The following IGF2R variants were observed in gnomAD, a reference collection of about 807,000 sequenced individuals.
The protein encoded by IGF2R is insulin like growth factor 2 receptor.
Under a neutral mutation model 270.6 loss-of-function variants are expected in IGF2R, and 91 were observed. The observed-to-expected ratio is 0.34, with a 90% confidence interval of 0.28 to 0.40. IGF2R has a LOEUF of 0.40. Ranked by LOEUF, IGF2R falls within the 10% of genes least tolerant of loss-of-function variation. The pLI is 1.00. For synonymous variants in IGF2R, 1,316 were observed against 1,258.9 expected (o/e 1.05, Z -0.96); for missense variants, 2,805 against 3,188.3 (o/e 0.88, Z 2.90).
In IGF2R at chr6:160,065,794, G is replaced by T. The variant is rs183096029; in HGVS notation, c.4115+893G>T. ...TAGAGATATGTGTATGTGTGTGTGT[G>T]TGTGTGTGTGTGTGTGTGTGTATAT... On this transcript the variant is annotated intron_variant, in intron 29 of 47. Coordinates refer to ENST00000356956, the MANE Select transcript of IGF2R (RefSeq NM_000876.4). Among the ~76,000 whole-genome samples the T allele has an allele frequency of 6.7e-3, 397 of 58,832 alleles. 1 individual carries two copies. Among genetic ancestry groups the T allele is most frequent in the African/African-American group, 0.027 (322 of 11,946 alleles). 38.6% of individuals were successfully genotyped at this position (58,832 alleles called of 152,430 possible).
chr6:160,083,021 C>T (rs1779019661), intron 39 of IGF2R, among the ~76,000 whole-genome samples: 2 of 152,174 alleles, frequency 1.3e-5, no homozygotes, highest in Non-Finnish European at 2.9e-5. Context: ...CAACAGTGGG[C>T]CCAGGGGACC....
intron 11 of IGF2R, 152 bp downstream of exon 11, chr6:160,040,876 G>T: frequency 1.3e-6 from 1 of 745,540 alleles, no homozygotes. Flanking sequence ...TGAATTATTA[G>T]AAGGAGCATT....
At chr6:160,054,938 ACGCTG>A (rs2115255888) in intron 19 of IGF2R, among the ~76,000 whole-genome samples, 1 of 152,166 alleles carries the variant, frequency 6.6e-6, no homozygotes, top group African/African-American at 2.4e-5. Context: ...GGCCCAGTGG[ACGCTG>A]CGTCACTCAC....
rs34351457 is a variant in IGF2R, at chr6:160,094,897, CAAAA to C, written c.6656-1526_6656-1523del. On this transcript the variant is annotated intron_variant, in intron 44 of 47. Coordinates refer to ENST00000356956, the MANE Select transcript of IGF2R (RefSeq NM_000876.4). ...TGGGCGACAGAGCGAGACTCCATCT[CAAAA>C]AAAAAAAAAAAAAAAGGCCCTCTGG... 7.3e-3 allele frequency: 589 copies of C among 80,988 alleles called. 3 individuals are homozygous for C. The highest frequency in any genetic ancestry group is 0.032 in the Middle Eastern group (5 of 154). 5.0% of individuals were successfully genotyped at this position (80,988 alleles called of 1,614,324 possible).
chr6:160,073,099 G>A lies in IGF2R; in HGVS notation c.4691-114G>A, dbSNP rs1778779912. The stretch of plus-strand genomic sequence containing the variant: ...ATGGTTAAAGCCGGATTGGACACTT[G>A]AAGTTATAAGTGTTGGCTATGAAAT... On this transcript the variant is annotated intron_variant, in intron 33 of 47. Transcript: ENST00000356956. The A allele has an allele frequency of 9.8e-6, 14 of 1,434,448 alleles. No homozygotes were observed. In the South Asian group the frequency reaches 1.9e-4, roughly 19 times the overall value. 88.9% of individuals were successfully genotyped at this position (1,434,448 alleles called of 1,614,324 possible). A position where few individuals can be genotyped will look rare whatever the true frequency, so the allele number is the denominator to read the frequency against.
intron 39 of IGF2R, among the ~76,000 whole-genome samples, chr6:160,080,577 A>G (rs1046088619): frequency 6.6e-6 from 1 of 152,182 alleles, no homozygotes; most frequent in Non-Finnish European, 1.5e-5. Context: ...CTGGTGGTTC[A>G]GATTATGCCT....
intron 19 of IGF2R, among the ~76,000 whole-genome samples, chr6:160,053,272 G>T (rs953600983): frequency 6.6e-6 from 1 of 152,154 alleles, no homozygotes; most frequent in South Asian, 2.1e-4. Flanking sequence ...GCCTGTTGGG[G>T]GCTGGGGGGG....
At chr6:159,986,287 A>G (rs901270664) in intron 1 of IGF2R, among the ~76,000 whole-genome samples, 1 of 147,592 alleles carries the variant, frequency 6.8e-6, no homozygotes, top group African/African-American at 2.5e-5. Context: ...TCTGGAGTGC[A>G]GTGGTGCGAT....
chr6:160,032,763 G>A lies in IGF2R; in HGVS notation c.1045+50G>A, dbSNP rs997995362. 8 of 1,592,140 alleles carry A rather than the reference G, an allele frequency of 5.0e-6. No homozygotes were observed. In the African/African-American group the frequency reaches 6.7e-5, roughly 13 times the overall value. ...GGCGCTGCTTAGGAAGAAGGGGATC[G>A]AGAGAGGGAACGGGACAGTAGGGGC... On this transcript the variant is annotated intron_variant, in intron 8 of 47. Transcript: ENST00000356956.
intron 5 of IGF2R, 93 bp downstream of exon 5, chr6:160,024,797 C>T: frequency 1.4e-6 from 2 of 1,408,234 alleles, no homozygotes; most frequent in Non-Finnish European, 2.0e-6. Flanking sequence ...TCTGTTTTCA[C>T]ATCCATGTTT....
chr6:160,022,418 C>G lies in IGF2R; in HGVS notation c.514-2154C>G, dbSNP rs547730658. Among the ~76,000 whole-genome samples the G allele has an allele frequency of 2.0e-5, 3 of 152,296 alleles. No homozygotes were observed. The East Asian group carries it at 5.8e-4, about 29-fold the overall frequency. On this transcript the variant is annotated intron_variant, in intron 4 of 47. Transcript: ENST00000356956. ...AATAAAACAAACAAAGAGGCACCCC[C>G]TTAAAGCTCAGGGTCTTGCCAACTC... is the stretch of plus-strand genomic sequence containing the variant.
intron 21 of IGF2R, 31 bp downstream of exon 21, chr6:160,058,155 C>T: frequency 6.9e-7 from 1 of 1,443,636 alleles, no homozygotes; most frequent in Non-Finnish European, 9.8e-7. Flanking sequence ...TTCCAGTTTG[C>T]TTTGAAACAG....
At chr6:160,074,824 C>T (rs1265240639) in intron 35 of IGF2R, among the ~76,000 whole-genome samples, 1 of 152,126 alleles carries the variant, frequency 6.6e-6, no homozygotes, top group Non-Finnish European at 1.5e-5. Context: ...GGAGATCGGC[C>T]ACAGCCTGAA....
At chr6:159,996,271 T>C (rs1784052331) in intron 2 of IGF2R, among the ~76,000 whole-genome samples, 2 of 152,170 alleles carry the variant, frequency 1.3e-5, no homozygotes, top group Non-Finnish European at 2.9e-5. Context: ...TTATATTGGG[T>C]TGTGCAGGCC....
At chr6:160,046,752 A>G in intron 15 of IGF2R, 107 bp downstream of exon 15, 3 of 1,195,058 alleles carry the variant, frequency 2.5e-6, no homozygotes, top group East Asian at 5.0e-5. Flanking sequence ...TATGACAAGC[A>G]TTTAAATACT....
At chr6:159,970,253 G>A (rs1783590141) in intron 1 of IGF2R, among the ~76,000 whole-genome samples, 2 of 152,172 alleles carry the variant, frequency 1.3e-5, no homozygotes, top group African/African-American at 4.8e-5. Context: ...GACTGTTTAG[G>A]ATGATGGAAA....
At chr6:159,980,334 C>G (rs1452471186) in intron 1 of IGF2R, among the ~76,000 whole-genome samples, 1 of 152,170 alleles carries the variant, frequency 6.6e-6, no homozygotes, top group African/African-American at 2.4e-5. Flanking sequence ...TTTTCCTCTT[C>G]AGGTTGCCTT....
At chr6:160,006,165 G>C in intron 2 of IGF2R, 1 of 102,062 alleles carries the variant, frequency 9.8e-6, no homozygotes, top group Non-Finnish European at 1.9e-5. Context: ...GCGCCTCCCT[G>C]TACCCTGCAT....
chr6:160,093,738 G>A (rs975162104), intron 44 of IGF2R: 5 of 757,828 alleles, frequency 6.6e-6, no homozygotes, highest in Middle Eastern at 3.1e-4. Flanking sequence ...CTCAACAGCC[G>A]AAGCAACAAA....
Sources: allele counts gnomAD v4.1 joint callset (sites outside exome capture counted in the v4.1 genomes callset), GRCh38; gene constraint gnomAD v4.1.1; transcripts MANE v1.5; gene names NCBI Gene and HGNC (gene_info 2026-07-23, HGNC 2026-07-21).